The following ANKRD12 variants were observed in gnomAD, a reference collection of about 807,000 sequenced individuals.
ANKRD12 encodes ankyrin repeat domain-containing protein 12.
Under a neutral mutation model 183.4 loss-of-function variants are expected in ANKRD12, and 85 were observed. The ratio of observed to expected loss-of-function variants is 0.46; its 90% CI spans 0.39 to 0.56. The LOEUF is 0.56. Among genes scored for constraint, ANKRD12 ranks in the 20% least tolerant of loss-of-function variants. The pLI is 0.00. For synonymous variants in ANKRD12, 914 were observed against 800.2 expected (o/e 1.14, Z -2.40); for missense variants, 2,405 against 2,357.1 (o/e 1.02, Z -0.42).
Position 9,254,958 on chromosome 18 carries a change from A to C in ANKRD12, c.1691A>C (p.Lys564Thr), listed in dbSNP as rs368856132. 24 of 1,607,290 alleles carry C rather than the reference A, an allele frequency of 1.5e-5. No homozygotes were observed. Among genetic ancestry groups the C allele is most frequent in the Non-Finnish European group, 2.0e-5 (23 of 1,177,624 alleles). Residue 564 changes from lysine (K) to threonine (T), a missense_variant, in exon 9 of 13, where the codon AAA becomes ACA. Coordinates refer to ENST00000262126, the MANE Select transcript of ANKRD12 (RefSeq NM_015208.5). ...ACACCACTAAAACAAGAACATACTA[A>C]AACATGTTTATCACCAGGAAGTTCT... ...QSTPLKQEHT[K>T]TCLSPGSSEM...
At chr18:9,251,218 G>A (rs2038277480) in intron 8 of ANKRD12, among the ~76,000 whole-genome samples, 2 of 152,078 alleles carry the variant, frequency 1.3e-5, no homozygotes, top group Non-Finnish European at 2.9e-5. Flanking sequence ...AGATTTTGAG[G>A]GAGGGATTTC....
chr18:9,219,381 C>T (rs185697206), intron 7 of ANKRD12, among the ~76,000 whole-genome samples: 7 of 152,216 alleles, frequency 4.6e-5, no homozygotes, highest in Middle Eastern at 3.4e-3. Flanking sequence ...CAGTTACTTT[C>T]TCAAATCCCT....
At chr18:9,149,798 A>T (rs200207334) in intron 1 of ANKRD12, among the ~76,000 whole-genome samples, 4,146 of 118,110 alleles carry the variant, frequency 0.035, 85 homozygotes, top group Non-Finnish European at 0.046. Context: ...ATTAAATTTT[A>T]TTTTTTTTTT....
At chr18:9,195,748 T>G in intron 3 of ANKRD12, 50 bp downstream of exon 3, 1 of 1,564,336 alleles carries the variant, frequency 6.4e-7, no homozygotes, top group Non-Finnish European at 8.7e-7. Context: ...TCTTTAATTC[T>G]GATTTTTGTT....
At chr18:9,196,108 AACACACACAC>A (rs36156556) in intron 3 of ANKRD12, among the ~76,000 whole-genome samples, 3,492 of 64,104 alleles carry the variant, frequency 0.054, 95 homozygotes, top group African/African-American at 0.081. Flanking sequence ...GAAACATGCA[AACACACACAC>A]ACACACACAC....
chr18:9,204,595 T>C, intron 4 of ANKRD12, 51 bp downstream of exon 4: 1 of 1,302,318 alleles, frequency 7.7e-7, no homozygotes, highest in Non-Finnish European at 1.1e-6. Context: ...CTGTCACATT[T>C]ACAATTAATT....
At chr18:9,157,918 A>G (rs957687173) in intron 1 of ANKRD12, among the ~76,000 whole-genome samples, 19 of 152,140 alleles carry the variant, frequency 1.2e-4, no homozygotes, top group Non-Finnish European at 5.9e-5. Context: ...TGAGAAGTCA[A>G]AGAACTTAAG....
At chr18:9,219,533 G>T (rs887811341) in intron 7 of ANKRD12, among the ~76,000 whole-genome samples, 19 of 152,060 alleles carry the variant, frequency 1.2e-4, no homozygotes, top group Non-Finnish European at 2.8e-4. Context: ...TCAATAAAGG[G>T]CCAAATAGTA....
At chr18:9,171,016 C>T (rs1200021018) in intron 1 of ANKRD12, among the ~76,000 whole-genome samples, 3 of 152,114 alleles carry the variant, frequency 2.0e-5, no homozygotes, top group Non-Finnish European at 2.9e-5. Flanking sequence ...GCTGCAGAAG[C>T]GCAGATGTTG....
intron 2 of ANKRD12, among the ~76,000 whole-genome samples, chr18:9,190,526 C>G (rs983793085): frequency 6.6e-6 from 1 of 152,160 alleles, no homozygotes; most frequent in Non-Finnish European, 1.5e-5. Flanking sequence ...AAAAGAAGTT[C>G]TGTGGGTAAG....
intron 9 of ANKRD12, among the ~76,000 whole-genome samples, chr18:9,263,435 C>T (rs1302483731): frequency 2.0e-5 from 3 of 152,152 alleles, no homozygotes; most frequent in African/African-American, 4.8e-5. Context: ...TTAATCTTTA[C>T]TAGTGTTTCC....
intron 8 of ANKRD12, among the ~76,000 whole-genome samples, chr18:9,242,304 CTG>C (rs1194149254): frequency 1.3e-5 from 2 of 152,014 alleles, no homozygotes; most frequent in Non-Finnish European, 2.9e-5. Flanking sequence ...TCCTTAGAAA[CTG>C]AATTTCTACC....
At chr18:9,166,215 T>A (rs1258484301) in intron 1 of ANKRD12, among the ~76,000 whole-genome samples, 2 of 152,208 alleles carry the variant, frequency 1.3e-5, no homozygotes, top group African/African-American at 4.8e-5. Context: ...GCATGATTTG[T>A]AATCCTTTGG....
At chr18:9,145,288 C>T (rs925681085) in intron 1 of ANKRD12, among the ~76,000 whole-genome samples, 10 of 152,126 alleles carry the variant, frequency 6.6e-5, no homozygotes, top group South Asian at 2.1e-4. Context: ...ATGCCAGACT[C>T]TGGATGTAGT....
At position 9,258,182 on chromosome 18, in the gene ANKRD12, A is replaced by G. The variant is rs1389523438; in HGVS notation, c.4915A>G (p.Ser1639Gly). The change falls in exon 9 of 13, where the codon AGT (serine) becomes GGT (glycine). Residue 1639 changes from serine to glycine, a missense_variant. Ser to Gly is a moderately conservative substitution (Grantham distance 56). Around this residue, in one of 7 missense-constraint regions of ANKRD12, gnomAD observed 1,983 missense variants for 1,725.9 expected, o/e 1.15. Coordinates refer to ENST00000262126, the MANE Select transcript of ANKRD12 (RefSeq NM_015208.5). ...ISHEKENKLE[S>G]LVLTHLSRCD... ...ACATGAAAAAGAAAACAAACTGGAG[A>G]GTTTGGTTTTAACTCATTTGAGTAG... is the stretch of plus-strand genomic sequence containing the variant. The G allele has an allele frequency of 6.2e-7, 1 of 1,613,904 alleles. No homozygotes were observed. Among genetic ancestry groups the G allele is most frequent in the African/African-American group, 1.3e-5 (1 of 75,052 alleles).
At chr18:9,265,805 A>G (rs910055924) in intron 10 of ANKRD12, among the ~76,000 whole-genome samples, 10 of 152,242 alleles carry the variant, frequency 6.6e-5, no homozygotes, top group African/African-American at 2.4e-4. Flanking sequence ...AGAAGGCTTC[A>G]GATGATCAAA....
chr18:9,267,482 C>T (rs1221422968), intron 10 of ANKRD12, among the ~76,000 whole-genome samples: 1 of 152,150 alleles, frequency 6.6e-6, no homozygotes, highest in Non-Finnish European at 1.5e-5. Flanking sequence ...CAAAACCACT[C>T]AGCTACATGG....
intron 6 of ANKRD12, among the ~76,000 whole-genome samples, chr18:9,214,303 T>G (rs2035971025): frequency 6.6e-6 from 1 of 152,084 alleles, no homozygotes; most frequent in Non-Finnish European, 1.5e-5. Context: ...ATAGCACCAT[T>G]CAGAATCAGG....
chr18:9,199,696 AGT>A (rs2035056897), intron 3 of ANKRD12, among the ~76,000 whole-genome samples: 1 of 152,110 alleles, frequency 6.6e-6, no homozygotes, highest in Admixed American at 6.5e-5. Context: ...TATAGTAGAC[AGT>A]GTCTTTTATA....
Sources: gnomAD v4.1 joint callset for allele counts (sites outside exome capture counted in the v4.1 genomes callset) on GRCh38, gnomAD v4.1.1 for gene constraint, gnomAD v4.1.1 regional missense constraint, MANE v1.5 for transcripts, NCBI Gene and HGNC (gene_info 2026-07-23, HGNC 2026-07-21) for gene names.